The following SLC16A7 variants were observed in gnomAD, a reference collection of about 807,000 sequenced individuals.
The protein encoded by SLC16A7 is solute carrier family 16 member 7.
SLC16A7 carries 33 observed loss-of-function variants against 34.9 expected under a neutral mutation model. The ratio of observed to expected loss-of-function variants is 0.94; its 90% confidence interval spans 0.72 to 1.26. SLC16A7 has a LOEUF of 1.26. Among genes scored for constraint, SLC16A7 ranks in the 50% most tolerant of loss-of-function variants. SLC16A7 has a pLI of 0.00. For missense variants in SLC16A7, 573 were observed against 578.1 expected (o/e 0.99, Z 0.09); for synonymous variants, 201 against 206.6 (o/e 0.97, Z 0.23).
At chr12:59,756,225 G>A (rs561998345) in intron 3 of SLC16A7, among the ~76,000 whole-genome samples, 2 of 150,776 alleles carry the variant, frequency 1.3e-5, no homozygotes, top group South Asian at 4.2e-4. Flanking sequence ...AAACACCAAA[G>A]CAATGGCAAC....
chr12:59,772,037 C>G (rs1411724889), intron 4 of SLC16A7, among the ~76,000 whole-genome samples: 1 of 152,104 alleles, frequency 6.6e-6, no homozygotes, highest in African/African-American at 2.4e-5. Flanking sequence ...CCGGAAAGCA[C>G]TATTTTTATT....
chr12:59,625,692 C>T (rs960831384), intron 1 of SLC16A7, among the ~76,000 whole-genome samples: 3 of 151,746 alleles, frequency 2.0e-5, no homozygotes, highest in Non-Finnish European at 4.4e-5. Context: ...TTATTTTTCC[C>T]TTTCACTTTA....
intron 2 of SLC16A7, among the ~76,000 whole-genome samples, chr12:59,678,341 G>C (rs1261495376): frequency 6.6e-6 from 1 of 152,184 alleles, no homozygotes; most frequent in African/African-American, 2.4e-5. Context: ...GGGTGAGCAA[G>C]GTGAAGAGGA....
Position 59,727,172 on chromosome 12 carries a change from T to A in SLC16A7, c.217+22154T>A, listed in dbSNP as rs199767356. ...TGGACATATATATATATATATATAA[T>A]ATATATATGTTGTATTTAGAAGGAG... On this transcript the variant is annotated intron_variant, in intron 3 of 5. Transcript: ENST00000547379. Among the ~76,000 whole-genome samples the A allele has an allele frequency of 7.6e-5, 11 of 144,822 alleles. No homozygotes were observed. In the East Asian group the frequency reaches 1.2e-3, roughly 16 times the overall value.
chr12:59,607,851 A>C (rs1178677564), intron 1 of SLC16A7, among the ~76,000 whole-genome samples: 1 of 152,204 alleles, frequency 6.6e-6, no homozygotes, highest in Non-Finnish European at 1.5e-5. Flanking sequence ...TGTATCAAAT[A>C]ATTGACATAA....
chr12:59,679,786 A>G (rs1313872051), intron 2 of SLC16A7, among the ~76,000 whole-genome samples: 1 of 152,222 alleles, frequency 6.6e-6, no homozygotes, highest in African/African-American at 2.4e-5. Flanking sequence ...GGAGACAACA[A>G]GACATTAAAT....
chr12:59,704,976 G>A lies in SLC16A7; in HGVS notation c.175G>A (p.Ala59Thr), dbSNP rs1331649777. 2 of 1,613,194 alleles carry A rather than the reference G, an allele frequency of 1.2e-6. No individual in the cohort carries two copies. Among genetic ancestry groups the A allele is most frequent in the East Asian group, 2.2e-5 (1 of 44,888 alleles). Residue 59 changes from alanine to threonine, a missense_variant, in exon 3 of 6, where the codon GCA becomes ACA. Ala to Thr is a moderately conservative substitution (Grantham distance 58, BLOSUM62 0). Coordinates refer to ENST00000547379, the MANE Select transcript of SLC16A7 (RefSeq NM_001270623.2). Reference sequence around the variant, plus strand: ...ATTCCACACTACCTACAGTGAAATAGCATGGATTTCATCCATTATGCTGGC... The same window carrying A: ...ATTCCACACTACCTACAGTGAAATAACATGGATTTCATCCATTATGCTGGC... ...QIFHTTYSEI[A>T]WISSIMLAVM...
Position 59,775,427 on chromosome 12 carries a change from G to A in SLC16A7, c.1132G>A (p.Val378Ile). The change falls in exon 5 of 6, where the codon GTC (valine) becomes ATC (isoleucine). Residue 378 changes from valine to isoleucine, a missense_variant. Coordinates refer to ENST00000547379, the MANE Select transcript of SLC16A7 (RefSeq NM_001270623.2). ...AAGATTTTCCAGTGCCGTCGGACTT[G>A]TCACAATTGTGGAGTGTGGCCCAGT... is the stretch of plus-strand genomic sequence containing the variant. Reference protein sequence around the residue: ...APRFSSAVGLVTIVECGPVLL... With the variant: ...APRFSSAVGLITIVECGPVLL... The A allele has an allele frequency of 6.2e-7, 1 of 1,614,060 alleles. No homozygotes were observed.
At chr12:59,773,795 C>G (rs1453533805) in intron 4 of SLC16A7, among the ~76,000 whole-genome samples, 6 of 152,154 alleles carry the variant, frequency 3.9e-5, no homozygotes, top group Admixed American at 3.9e-4. Flanking sequence ...GATCTCCTGA[C>G]CTCATGATCC....
intron 1 of SLC16A7, among the ~76,000 whole-genome samples, chr12:59,634,836 A>G (rs1391788621): frequency 6.6e-6 from 1 of 152,044 alleles, no homozygotes; most frequent in African/African-American, 2.4e-5. Context: ...AAAGAGGGAA[A>G]TGATTTATTT....
chr12:59,713,653 A>G (rs1180148475), intron 3 of SLC16A7, among the ~76,000 whole-genome samples: 1 of 152,158 alleles, frequency 6.6e-6, no homozygotes, highest in African/African-American at 2.4e-5. Context: ...CTGGAAGTAT[A>G]TGCTTCAGGA....
intron 3 of SLC16A7, among the ~76,000 whole-genome samples, chr12:59,747,405 G>A (rs1163342805): frequency 1.3e-5 from 2 of 151,856 alleles, no homozygotes; most frequent in Non-Finnish European, 2.9e-5. Context: ...ATGTATTAAG[G>A]GTTTCAAATT....
At chr12:59,621,739 A>G (rs1048203916) in intron 1 of SLC16A7, among the ~76,000 whole-genome samples, 11 of 151,786 alleles carry the variant, frequency 7.2e-5, no homozygotes, top group Admixed American at 2.0e-4. Flanking sequence ...CAAATTTTAT[A>G]TGCTAAGAAA....
intron 3 of SLC16A7, among the ~76,000 whole-genome samples, chr12:59,744,979 GA>G (rs1229583781): frequency 1.3e-5 from 2 of 152,158 alleles, no homozygotes; most frequent in Non-Finnish European, 2.9e-5. Flanking sequence ...AGGTGTCAGG[GA>G]AACTTTTCTG....
chr12:59,735,587 T>C (rs1375988813), intron 3 of SLC16A7, among the ~76,000 whole-genome samples: 3 of 152,152 alleles, frequency 2.0e-5, no homozygotes, highest in Non-Finnish European at 4.4e-5. Flanking sequence ...ATAAACCCAG[T>C]CCTAAAGTGG....
chr12:59,740,466 A>G (rs958078999), intron 3 of SLC16A7, among the ~76,000 whole-genome samples: 2 of 152,180 alleles, frequency 1.3e-5, no homozygotes, highest in African/African-American at 4.8e-5. Context: ...TATAGTTTGA[A>G]GTCAGGTAGC....
intron 1 of SLC16A7, among the ~76,000 whole-genome samples, chr12:59,616,629 A>G (rs1050422175): frequency 3.9e-5 from 6 of 152,130 alleles, no homozygotes; most frequent in Admixed American, 6.6e-5. Context: ...TAGTTATTCA[A>G]GTGTCTCAAG....
chr12:59,733,272 C>T (rs1309729996), intron 3 of SLC16A7, among the ~76,000 whole-genome samples: 1 of 152,156 alleles, frequency 6.6e-6, no homozygotes, highest in East Asian at 1.9e-4. Context: ...CTGCCCAGAT[C>T]CCATACCTGC....
At chr12:59,673,132 T>G (rs973777243) in intron 2 of SLC16A7, among the ~76,000 whole-genome samples, 1 of 152,156 alleles carries the variant, frequency 6.6e-6, no homozygotes, top group Non-Finnish European at 1.5e-5. Flanking sequence ...CTTATGAAAT[T>G]TATAATTTTG....
Sources: gnomAD v4.1 joint callset for allele counts (sites outside exome capture counted in the v4.1 genomes callset) on GRCh38, gnomAD v4.1.1 for gene constraint, MANE v1.5 for transcripts, NCBI Gene and HGNC (gene_info 2026-07-23, HGNC 2026-07-21) for gene names.